Variants in PRPF8 observed in about 807,000 individuals in gnomAD.
The protein encoded by PRPF8 is pre-mRNA-processing-splicing factor 8.
In PRPF8, 64 loss-of-function variants were observed where a neutral mutation model predicts 285.9. That is an observed-to-expected ratio of 0.22 (90% CI 0.18 to 0.28). The LOEUF (loss-of-function observed/expected upper bound fraction) is 0.28. Among genes scored for constraint, PRPF8 ranks in the 10% least tolerant of loss-of-function variants. The probability of loss-of-function intolerance (pLI) is 1.00; values close to 1 mark genes in which losing one functional copy is unlikely to be tolerated. For missense variants in PRPF8, 1,426 were observed against 3,026.7 expected, an observed-to-expected ratio of 0.47 and a Z score of 12.41; for synonymous variants, 1,325 against 1,118.2, an observed-to-expected ratio of 1.18 and a Z score of -3.69.
intron 34 of PRPF8, among the ~76,000 whole-genome samples, chr17:1,657,356 C>T (rs764704860): frequency 2.0e-5 from 3 of 151,954 alleles, no homozygotes; most frequent in Non-Finnish European, 2.9e-5. Context: ...CAAGAATATG[C>T]GTTGCTGGGC....
At chr17:1,660,903 T>G in intron 28 of PRPF8, 76 bp from the exon 29 acceptor site, 1 of 1,612,540 alleles carries the variant, frequency 6.2e-7, no homozygotes, top group Non-Finnish European at 8.5e-7. Flanking sequence ...GAGGTGGCTG[T>G]CTGGGAAACA....
At chr17:1,668,354 CTTTTTTTTTTTTTTTTT>C (rs970795981) in intron 24 of PRPF8, among the ~76,000 whole-genome samples, 1 of 105,576 alleles carries the variant, frequency 9.5e-6, no homozygotes, top group Non-Finnish European at 1.9e-5. Flanking sequence ...GTCTAGCATT[CTTTTTTTTTTTTTTTTT>C]TTTTTTTTGA....
At chr17:1,660,635 A>G in intron 29 of PRPF8, 57 bp from the exon 30 acceptor site, 2 of 1,614,230 alleles carry the variant, frequency 1.2e-6, no homozygotes. Flanking sequence ...CGCTCACGAC[A>G]TAACCAAGGC....
chr17:1,675,801 C>T lies in PRPF8; in HGVS notation c.2691G>A (p.Glu897=). Residue 897 remains glutamate, a synonymous_variant, in exon 19 of 43, where the codon GAG becomes GAA. Transcript: ENST00000304992. The surrounding 1 kb of genome is among the most constrained non-coding windows in gnomAD (Gnocchi z 6.0). ...CGAGGTGGCTATACAGATCCATGAACTCAATGCCCACCTGTGGGACAAGGA... is the reference window on the plus strand; with the variant it reads ...CGAGGTGGCTATACAGATCCATGAATTCAATGCCCACCTGTGGGACAAGGA... ...TQRAFKEVGI[E]FMDLYSHLVP... 6.2e-7 allele frequency: 1 copy of T among 1,614,184 alleles called. No homozygotes were observed. The highest frequency in any genetic ancestry group is 8.5e-7 in the Non-Finnish European group (1 of 1,180,036).
rs753071284 is a variant in PRPF8 at position 1,659,095 on chromosome 17, G to A, written c.5138+262C>T. Reference sequence around the variant, plus strand: ...GGCTGGAGTGCAGTGGCGCAATCTCGGTTCACTGCAAGCTCCGCCTCCCGG... The same window carrying A: ...GGCTGGAGTGCAGTGGCGCAATCTCAGTTCACTGCAAGCTCCGCCTCCCGG... On this transcript the variant is annotated intron_variant, in intron 32 of 42. Transcript: ENST00000304992. This position sits in a 1 kb window ranked among gnomAD's most constrained non-coding sequence, Gnocchi z 5.1. 6.6e-6 allele frequency: 4 copies of A among 605,468 alleles called. No homozygotes were observed. The highest frequency in any genetic ancestry group is 2.8e-5 in the Admixed American group (1 of 35,310). 37.5% of individuals were successfully genotyped at this position (605,468 alleles called of 1,614,324 possible).
rs947026876 is a variant in PRPF8, at chr17:1,675,058, C to T, written c.3060+94G>A. On this transcript the variant is annotated intron_variant, in intron 20 of 42. Transcript: ENST00000304992. The surrounding 1 kb of genome is among the most constrained non-coding windows in gnomAD (Gnocchi z 6.0). ...AAAGTGCTGGGATTACAGGCATGAGCCACCGCACCCAGCCTCCTCCTCAGC... is the reference window on the plus strand; with the variant it reads ...AAAGTGCTGGGATTACAGGCATGAGTCACCGCACCCAGCCTCCTCCTCAGC... The T allele has an allele frequency of 1.2e-5, 17 of 1,464,908 alleles. No homozygotes were observed. The highest frequency in any genetic ancestry group is 1.5e-5 in the Non-Finnish European group (16 of 1,057,222). 90.7% of individuals were successfully genotyped at this position (1,464,908 alleles called of 1,614,324 possible). A position where few individuals can be genotyped will look rare whatever the true frequency, so the allele number is the denominator to read the frequency against.
Position 1,683,550 on chromosome 17 carries a change from G to A in PRPF8, c.252C>T (p.Asp84=), listed in dbSNP as rs1214301855. The A allele has an allele frequency of 6.2e-7, 1 of 1,614,180 alleles. No homozygotes were observed. Among genetic ancestry groups the A allele is most frequent in the South Asian group, 1.1e-5 (1 of 91,086 alleles). ...TTCCTTACCCCAAGTAAACCCTTTT[G>A]TCATGGCGGAACTTCCTGTTGGTCA... is the stretch of plus-strand genomic sequence containing the variant. ...GDMTNRKFRH[D]KRVYLGALKY... The change falls in exon 3 of 43, where the codon GAC becomes GAT. Residue 84 remains aspartate, a synonymous_variant. Transcript: ENST00000304992.
chr17:1,657,119 T>C (rs778044888), intron 34 of PRPF8, among the ~76,000 whole-genome samples: 49 of 152,138 alleles, frequency 3.2e-4, no homozygotes, highest in Non-Finnish European at 5.6e-4. Flanking sequence ...GAGTTCATTC[T>C]AGAAAGAAAA....
intron 36 of PRPF8, among the ~76,000 whole-genome samples, chr17:1,655,752 G>A (rs747232469): frequency 2.6e-5 from 4 of 151,400 alleles, no homozygotes; most frequent in Non-Finnish European, 2.9e-5. Context: ...TCAGCCTCCC[G>A]AATAGCTGGG....
chr17:1,657,496 T>A (rs1048218407), intron 34 of PRPF8, among the ~76,000 whole-genome samples: 2 of 148,526 alleles, frequency 1.3e-5, no homozygotes, highest in African/African-American at 5.0e-5. Context: ...ATACAAAAAA[T>A]TTAGCCGGGC....
chr17:1,655,634 T>C (rs1177904320), intron 36 of PRPF8, 91 bp from the exon 37 acceptor site: 1 of 1,249,366 alleles, frequency 8.0e-7, no homozygotes, highest in East Asian at 2.3e-5. Context: ...AGAATTTTTT[T>C]TTTTTCTTTT....
rs757017812 is a variant in PRPF8, at chr17:1,651,301, T to A, written c.6660A>T (p.Pro2220=). ...TGTAGGCCGTCAGTGTACAGGAGCC[T>A]GGCGTGAAGCTGGGGGAGGAACGAG... ...KTIIITCSFT[P]GSCTLTAYKL... The change falls in exon 42 of 43, where the codon CCA becomes CCT. Residue 2220 remains proline (P), a synonymous_variant. Transcript: ENST00000304992. The surrounding 1 kb of genome is among the most constrained non-coding windows in gnomAD (Gnocchi z 5.1). 2.5e-6 allele frequency: 4 copies of A among 1,613,980 alleles called. No individual in the cohort carries two copies. In the African/African-American group the frequency reaches 4.0e-5, roughly 16 times the overall value.
chr17:1,663,125 C>T (rs146860792), intron 24 of PRPF8, among the ~76,000 whole-genome samples: 8 of 151,758 alleles, frequency 5.3e-5, no homozygotes, highest in Non-Finnish European at 8.8e-5. Context: ...TGAAGTGATC[C>T]GTAGTAGACT....
At position 1,656,258 on chromosome 17, in the gene PRPF8, C is replaced by T. The variant is rs558138890; in HGVS notation, c.5793+134G>A. The T allele has an allele frequency of 3.0e-4, 350 of 1,185,056 alleles. 1 individual carries two copies. The highest frequency in any genetic ancestry group is 1.6e-3 in the Middle Eastern group (6 of 3,692). The allele number at this position is 1,185,056 out of a possible 1,614,324, so 73.4% of individuals were successfully genotyped here. On this transcript the variant is annotated intron_variant, in intron 36 of 42. Transcript: ENST00000304992. ...ATTTTTAACTTTAAGGTCTTAAACT[C>T]TCATGAAAGTCAACAGAGTTCCCAC...
Position 1,659,086 on chromosome 17 carries a change from C to T in PRPF8, c.5138+271G>A, listed in dbSNP as rs949754569. On this transcript the variant is annotated intron_variant, in intron 32 of 42. Coordinates refer to ENST00000304992, the MANE Select transcript of PRPF8 (RefSeq NM_006445.4). This position sits in a 1 kb window ranked among gnomAD's most constrained non-coding sequence, Gnocchi z 5.1. ...TGTCGCCCAGGCTGGAGTGCAGTGG[C>T]GCAATCTCGGTTCACTGCAAGCTCC... 38 of 598,318 alleles carry T rather than the reference C, an allele frequency of 6.4e-5. No individual in the cohort carries two copies. The highest frequency in any genetic ancestry group is 4.9e-4 in the Admixed American group (17 of 34,406). The allele number at this position is 598,318 out of a possible 1,614,324, so 37.1% of individuals were successfully genotyped here. A position where few individuals can be genotyped will look rare whatever the true frequency, so the allele number is the denominator to read the frequency against.
intron 24 of PRPF8, among the ~76,000 whole-genome samples, chr17:1,664,558 A>C (rs563206060): frequency 6.6e-6 from 1 of 152,134 alleles, no homozygotes; most frequent in Non-Finnish European, 1.5e-5. Context: ...CGTAATCCCA[A>C]CTCTTTGGAA....
chr17:1,666,027 T>C (rs1166288126), intron 24 of PRPF8, among the ~76,000 whole-genome samples: 1 of 149,302 alleles, frequency 6.7e-6, no homozygotes, highest in Non-Finnish European at 1.5e-5. Flanking sequence ...ATTAGCCGGG[T>C]GTGGTGGTGG....
intron 24 of PRPF8, among the ~76,000 whole-genome samples, chr17:1,670,161 T>A (rs952586153): frequency 2.0e-5 from 3 of 152,212 alleles, no homozygotes; most frequent in African/African-American, 7.2e-5. Flanking sequence ...ATATATGTAC[T>A]TAAATATGTA....
In PRPF8 at chr17:1,681,475, C is replaced by A. The variant is rs947194173; in HGVS notation, c.866+3G>T. On this transcript the variant is annotated splice_donor_region_variant and intron_variant, in intron 6 of 42. Transcript: ENST00000304992. ...TCTAAAATCCCTAATCTCTCCAACT[C>A]ACTGTAGGTTGATGTCTCGAACAAG... 6.4e-7 allele frequency: 1 copy of A among 1,569,000 alleles called. No individual in the cohort carries two copies.
Sources: allele counts gnomAD v4.1 joint callset (sites outside exome capture counted in the v4.1 genomes callset), GRCh38; gene constraint gnomAD v4.1.1; non-coding constraint Gnocchi (gnomAD v3.1); transcripts MANE v1.5; gene names NCBI Gene and HGNC (gene_info 2026-07-23, HGNC 2026-07-21).